The following ADGRA1 variants were observed in gnomAD, a reference collection of about 807,000 sequenced individuals.
The protein encoded by ADGRA1 is adhesion G protein-coupled receptor A1.
Under a neutral mutation model 21.3 loss-of-function variants are expected in ADGRA1, and 12 were observed. That is an observed-to-expected ratio of 0.56 (90% CI 0.36 to 0.91). The LOEUF (loss-of-function observed/expected upper bound fraction) is 0.91. Among genes scored for constraint, ADGRA1 ranks in the 40% least tolerant of loss-of-function variants. The probability of loss-of-function intolerance (pLI) is 0.01; values close to 1 mark genes in which losing one functional copy is unlikely to be tolerated. For missense variants in ADGRA1, 790 were observed against 805.6 expected, an observed-to-expected ratio of 0.98 and a Z score of 0.23; for synonymous variants, 385 against 368.8, an observed-to-expected ratio of 1.04 and a Z score of -0.50.
Position 133,088,137 on chromosome 10 carries a change from AGGTGGGAAGGACGCGCGGGTCTGGGC to A in ADGRA1, c.-203+2_-203+27del. The A allele has an allele frequency of 3.1e-6, 3 of 981,888 alleles. No homozygotes were observed. Among genetic ancestry groups the A allele is most frequent in the Non-Finnish European group, 3.6e-6 (3 of 826,934 alleles). The allele number at this position is 981,888 out of a possible 1,614,324, so 60.8% of individuals were successfully genotyped here. A position where few individuals can be genotyped will look rare whatever the true frequency, so the allele number is the denominator to read the frequency against. The stretch of plus-strand genomic sequence containing the variant: ...CCCCGGCAGCCGCTTCGGCCACAGC[AGGTGGGAAGGACGCGCGGGTCTGGGC>A]GGCGGGAGGGACGCGCGGGGCCGCG... On this transcript the variant is annotated splice_donor_variant and splice_donor_5th_base_variant and 5_prime_UTR_variant and intron_variant, in exon 1 of 7. Coordinates refer to ENST00000392607, the MANE Select transcript of ADGRA1 (RefSeq NM_001083909.3). LOFTEE classifies it low-confidence loss of function (5UTR_SPLICE).
intron 5 of ADGRA1, among the ~76,000 whole-genome samples, chr10:133,106,397 C>A (rs1049994257): frequency 6.6e-6 from 1 of 152,240 alleles, no homozygotes; most frequent in African/African-American, 2.4e-5. Context: ...CTTAGAGACC[C>A]TTTTCCAGGC....
rs1306176981 is a variant in ADGRA1, at chr10:133,102,692, C to T, written c.256-5C>T. ...AGGGCCTGGCTGACCGCTGCTCCCC[C>T]ACAGGTGGGCATCGTGCTGCACTAT... On this transcript the variant is annotated splice_polypyrimidine_tract_variant and splice_region_variant and intron_variant, in intron 4 of 6. Transcript: ENST00000392607. 1.3e-6 allele frequency: 2 copies of T among 1,593,650 alleles called. No individual in the cohort carries two copies. The highest frequency in any genetic ancestry group is 1.7e-6 in the Non-Finnish European group (2 of 1,164,960).
intron 3 of ADGRA1, among the ~76,000 whole-genome samples, chr10:133,098,037 G>T (rs561039323): frequency 3.9e-5 from 6 of 152,314 alleles, no homozygotes; most frequent in East Asian, 1.9e-4. Flanking sequence ...GACCAGAGTG[G>T]CTGTGATTAT....
Position 133,128,956 on chromosome 10 carries a change from C to T in ADGRA1, c.1128C>T (p.Cys376=). ...AGGCCGCGCAGGGCCACGCCAGTTG[C>T]CTGTCACCGGCCACCCCGTGCTGCG... ...NLQAAQGHAS[C]LSPATPCCAK... The change falls in exon 7 of 7, where the codon TGC becomes TGT. Residue 376 remains cysteine (C), a synonymous_variant. Coordinates refer to ENST00000392607, the MANE Select transcript of ADGRA1 (RefSeq NM_001083909.3). The T allele has an allele frequency of 2.6e-6, 4 of 1,556,988 alleles. No homozygotes were observed. The highest frequency in any genetic ancestry group is 3.5e-6 in the Non-Finnish European group (4 of 1,153,204).
chr10:133,101,007 G>A (rs549202023), intron 4 of ADGRA1, among the ~76,000 whole-genome samples: 5 of 152,350 alleles, frequency 3.3e-5, no homozygotes, highest in South Asian at 2.1e-4. Context: ...TCTGCTCCCC[G>A]TGCTCTGCGA....
At chr10:133,096,038 G>A (rs1851682908) in intron 2 of ADGRA1, among the ~76,000 whole-genome samples, 1 of 152,206 alleles carries the variant, frequency 6.6e-6, no homozygotes, top group Non-Finnish European at 1.5e-5. Flanking sequence ...CCGGAACATG[G>A]CACCCACCCT....
At chr10:133,106,764 T>G (rs1851900985) in intron 5 of ADGRA1, among the ~76,000 whole-genome samples, 1 of 152,214 alleles carries the variant, frequency 6.6e-6, no homozygotes, top group African/African-American at 2.4e-5. Context: ...GGGAAGGCCA[T>G]CGAGGCCAAA....
chr10:133,102,374 G>C (rs1851811726), intron 4 of ADGRA1: 1 of 525,986 alleles, frequency 1.9e-6, no homozygotes, highest in Non-Finnish European at 3.7e-6. Context: ...GCAGCTCACA[G>C]TGTCCGTGCC....
intron 2 of ADGRA1, among the ~76,000 whole-genome samples, chr10:133,096,053 G>A (rs999784608): frequency 1.3e-5 from 2 of 152,334 alleles, no homozygotes; most frequent in African/African-American, 4.8e-5. Context: ...CACCCTGCTC[G>A]CCTGCCTGAG....
chr10:133,109,797 C>T (rs1007378797), intron 5 of ADGRA1, among the ~76,000 whole-genome samples: 4 of 152,282 alleles, frequency 2.6e-5, no homozygotes, highest in Admixed American at 6.5e-5. Context: ...TGTGTGAAAT[C>T]GGCCTCCAGG....
At chr10:133,127,034 G>A (rs1269184817) in intron 5 of ADGRA1, among the ~76,000 whole-genome samples, 199 bp from the exon 6 acceptor site, 3 of 151,970 alleles carry the variant, frequency 2.0e-5, no homozygotes, top group South Asian at 4.2e-4. Context: ...GCAGAGGCCC[G>A]CGGGAGGCCA....
chr10:133,124,741 TC>T (rs992780174), intron 5 of ADGRA1, among the ~76,000 whole-genome samples: 1 of 152,184 alleles, frequency 6.6e-6, no homozygotes, highest in Non-Finnish European at 1.5e-5. Flanking sequence ...CGGGAACAAC[TC>T]CCCGGACACC....
At chr10:133,126,960 C>G (rs1481454535) in intron 5 of ADGRA1, among the ~76,000 whole-genome samples, 3 of 152,176 alleles carry the variant, frequency 2.0e-5, no homozygotes, top group African/African-American at 7.2e-5. Context: ...CAGAGAAGTC[C>G]GCAGCCAACG....
In ADGRA1 at chr10:133,130,821, A is replaced by C. The variant is rs866975597; in HGVS notation, c.*1310A>C. 1.3e-5 allele frequency: 2 copies of C among 151,766 alleles called. No individual in the cohort carries two copies. Among genetic ancestry groups the C allele is most frequent in the Non-Finnish European group, 2.9e-5 (2 of 68,034 alleles). 9.4% of individuals were successfully genotyped at this position (151,766 alleles called of 1,614,324 possible). On this transcript the variant is annotated 3_prime_UTR_variant, in exon 7 of 7. Transcript: ENST00000392607. The stretch of plus-strand genomic sequence containing the variant: ...ACGTGCATATCACACACACGCACAC[A>C]CACCCAAACACGTGCATATCACACA...
chr10:133,112,329 CTGGGGTCTGCAGGCTGCGTCAGTTATT>C (rs1852049308), intron 5 of ADGRA1, among the ~76,000 whole-genome samples: 1 of 133,288 alleles, frequency 7.5e-6, no homozygotes, highest in Non-Finnish European at 1.6e-5. Flanking sequence ...CATCGGTTAT[CTGGGGTCTGCAGGCTGCGTCAGTTATT>C]TGGGGTCTGC....
chr10:133,090,120 G>T (rs747715323), intron 2 of ADGRA1, among the ~76,000 whole-genome samples: 6 of 152,284 alleles, frequency 3.9e-5, no homozygotes, highest in Non-Finnish European at 8.8e-5. Flanking sequence ...GCTTCTGAAG[G>T]TGGGGGTGCT....
chr10:133,115,878 C>T (rs1000209338), intron 5 of ADGRA1, among the ~76,000 whole-genome samples: 5 of 152,170 alleles, frequency 3.3e-5, no homozygotes, highest in African/African-American at 9.7e-5. Context: ...CCCAACCCCT[C>T]CCTGCCTTCC....
intron 5 of ADGRA1, among the ~76,000 whole-genome samples, chr10:133,125,447 G>A (rs1470439723): frequency 1.3e-5 from 2 of 151,944 alleles, no homozygotes; most frequent in Non-Finnish European, 1.5e-5. Flanking sequence ...TGTTTGAGAC[G>A]GAGTCTCGTT....
Position 133,095,237 on chromosome 10 carries a change from G to C in ADGRA1, c.4-1737G>C, listed in dbSNP as rs1851666561. Among the ~76,000 whole-genome samples the C allele has an allele frequency of 4.6e-5, 7 of 152,172 alleles. No homozygotes were observed. In the South Asian group the frequency reaches 1.4e-3, roughly 32 times the overall value. The stretch of plus-strand genomic sequence containing the variant: ...ACGCTTCGGGCTCTGGGGCACTCAG[G>C]AGAATCTGGACAGAGGCCCACCCAG... On this transcript the variant is annotated intron_variant, in intron 2 of 6. Transcript: ENST00000392607.
Sources: gnomAD v4.1 joint callset for allele counts (sites outside exome capture counted in the v4.1 genomes callset) on GRCh38, gnomAD v4.1.1 for gene constraint, MANE v1.5 for transcripts, NCBI Gene and HGNC (gene_info 2026-07-23, HGNC 2026-07-21) for gene names.